The following PPP4R4 variants were observed in gnomAD, a reference collection of about 807,000 sequenced individuals.
The protein encoded by PPP4R4 is serine/threonine-protein phosphatase 4 regulatory subunit 4.
In PPP4R4, 70 loss-of-function variants were observed where a neutral mutation model predicts 121.8. The observed-to-expected ratio is 0.57, with a 90% CI of 0.47 to 0.70. The LOEUF (loss-of-function observed/expected upper bound fraction) is 0.70. Among genes scored for constraint, PPP4R4 ranks in the 30% least tolerant of loss-of-function variants. The probability of loss-of-function intolerance (pLI) is 0.00; values close to 1 mark genes in which losing one functional copy is unlikely to be tolerated. For missense variants in PPP4R4, 875 were observed against 1,033.6 expected, an observed-to-expected ratio of 0.85 and a Z score of 2.10; for synonymous variants, 348 against 355.7, an observed-to-expected ratio of 0.98 and a Z score of 0.24.
chr14:94,256,668 A>G, intron 17 of PPP4R4, 64 bp downstream of exon 17: 2 of 1,412,000 alleles, frequency 1.4e-6, no homozygotes, highest in East Asian at 4.7e-5. Context: ...TCTTAGCTTC[A>G]CTATTTCAGC....
intron 2 of PPP4R4, among the ~76,000 whole-genome samples, chr14:94,195,888 T>C (rs539064353): frequency 7.6e-4 from 115 of 152,244 alleles, no homozygotes; most frequent in African/African-American, 2.6e-3. Flanking sequence ...TAATTTTTTA[T>C]AATTTTACAA....
chr14:94,191,667 A>AG (rs1889611028), intron 2 of PPP4R4, among the ~76,000 whole-genome samples: 1 of 152,190 alleles, frequency 6.6e-6, no homozygotes, highest in Non-Finnish European at 1.5e-5. Context: ...TTGATGATAA[A>AG]GGTTTAAGCT....
At chr14:94,234,371 A>G (rs893969025) in intron 6 of PPP4R4, among the ~76,000 whole-genome samples, 191 bp from the exon 7 acceptor site, 5 of 152,344 alleles carry the variant, frequency 3.3e-5, no homozygotes, top group African/African-American at 1.2e-4. Flanking sequence ...ACTGTGTGAT[A>G]TACATAATTT....
chr14:94,233,911 A>G lies in PPP4R4; in HGVS notation c.623+152A>G, dbSNP rs574013372. Reference sequence around the variant, plus strand: ...TTTATGGAATTCTCATGACGAATTTACTTATTCAGATGCCTTTCTTTTCAA... The same window carrying G: ...TTTATGGAATTCTCATGACGAATTTGCTTATTCAGATGCCTTTCTTTTCAA... On this transcript the variant is annotated intron_variant, in intron 6 of 24. Transcript: ENST00000304338. 581 of 606,220 alleles carry G rather than the reference A, an allele frequency of 9.6e-4. 8 individuals are homozygous for G. Among genetic ancestry groups the G allele is most frequent in the South Asian group, 7.7e-3 (338 of 43,630 alleles). The allele number at this position is 606,220 out of a possible 1,614,324, so 37.6% of individuals were successfully genotyped here.
At chr14:94,238,086 G>A (rs1228632607) in intron 8 of PPP4R4, among the ~76,000 whole-genome samples, 1 of 152,342 alleles carries the variant, frequency 6.6e-6, no homozygotes, top group Middle Eastern at 3.4e-3. Context: ...AGCTGACTTT[G>A]TAACAACCTG....
At chr14:94,174,890 C>G (rs1230266053) in intron 1 of PPP4R4, among the ~76,000 whole-genome samples, 1 of 151,216 alleles carries the variant, frequency 6.6e-6, no homozygotes, top group Non-Finnish European at 1.5e-5. Context: ...GCGTCCGAAT[C>G]CCCCCGGCCC....
intron 11 of PPP4R4, among the ~76,000 whole-genome samples, chr14:94,243,722 G>A (rs1326429680): frequency 1.3e-5 from 2 of 151,814 alleles, no homozygotes; most frequent in East Asian, 3.9e-4. Context: ...ATCATACCAT[G>A]TAGGTAGGGT....
chr14:94,200,924 T>C lies in PPP4R4; in HGVS notation c.192-7540T>C, dbSNP rs72702372. 1.4e-3 allele frequency among the ~76,000 whole-genome samples: 220 copies of C among 152,214 alleles called. 1 individual carries two copies. The highest frequency in any genetic ancestry group is 6.8e-3 in the Middle Eastern group (2 of 294). ...TTCCTTGAGGTGCGACCTCAGCTAG[T>C]CTATTTGTGCTCTTTCAGACTTTTT... On this transcript the variant is annotated intron_variant, in intron 2 of 24. Coordinates refer to ENST00000304338, the MANE Select transcript of PPP4R4 (RefSeq NM_058237.2).
At chr14:94,227,449 T>C in intron 3 of PPP4R4, 1 of 1,533,574 alleles carries the variant, frequency 6.5e-7, no homozygotes, top group Non-Finnish European at 8.8e-7. Context: ...TTTTTAGCAG[T>C]GATGAAATCT....
chr14:94,266,304 T>A (rs1483154964), intron 22 of PPP4R4, among the ~76,000 whole-genome samples: 4 of 152,116 alleles, frequency 2.6e-5, no homozygotes, highest in African/African-American at 9.7e-5. Context: ...GATAAAGTGA[T>A]CACAGCAGAG....
chr14:94,240,047 A>C (rs1379866078), intron 8 of PPP4R4, among the ~76,000 whole-genome samples: 1 of 152,172 alleles, frequency 6.6e-6, no homozygotes, highest in African/African-American at 2.4e-5. Context: ...TCATTTCTGA[A>C]ATTTAAGAAA....
intron 2 of PPP4R4, among the ~76,000 whole-genome samples, chr14:94,197,819 AT>A (rs980089863): frequency 1.3e-5 from 2 of 151,874 alleles, no homozygotes; most frequent in African/African-American, 2.4e-5. Flanking sequence ...CAGTAGTATT[AT>A]TTTTTTTGTA....
Position 94,275,354 on chromosome 14 carries a change from T to A in PPP4R4, c.2450-20T>A, listed in dbSNP as rs1894576873. On this transcript the variant is annotated intron_variant, in intron 23 of 24. Transcript: ENST00000304338. ...TGTTAGTATATTTGGTATGTCTGAC[T>A]TTATATGTATTGCTTTCAGATGATT... is the stretch of plus-strand genomic sequence containing the variant. The A allele has an allele frequency of 6.2e-7, 1 of 1,613,092 alleles. No individual in the cohort carries two copies. The highest frequency in any genetic ancestry group is 8.5e-7 in the Non-Finnish European group (1 of 1,179,184).
Position 94,208,489 on chromosome 14 carries a change from A to G in PPP4R4, c.217A>G (p.Ser73Gly). The change falls in exon 3 of 25, where the codon AGT (serine) becomes GGT (glycine). Residue 73 changes from serine (S) to glycine (G), a missense_variant. Transcript: ENST00000304338. The stretch of plus-strand genomic sequence containing the variant: ...TGCTGGTCAAGATGTCCAAGGAACA[A>G]GTGTGATTGCAAATCTCCCATTTTT... Reference protein sequence around the residue: ...LSAGQDVQGTSVIANLPFLMR... With the variant: ...LSAGQDVQGTGVIANLPFLMR... 6.2e-7 allele frequency: 1 copy of G among 1,611,640 alleles called. No individual in the cohort carries two copies. Among genetic ancestry groups the G allele is most frequent in the Non-Finnish European group, 8.5e-7 (1 of 1,178,192 alleles).
At chr14:94,227,342 C>T (rs771322976) in intron 3 of PPP4R4, 1 of 1,612,446 alleles carries the variant, frequency 6.2e-7, no homozygotes. Flanking sequence ...ATATGTTTGT[C>T]CAGAGGGTGT....
At position 94,279,189 on chromosome 14, in the gene PPP4R4, T is replaced by C. The variant is rs1237356550; in HGVS notation, c.*546T>C. On this transcript the variant is annotated 3_prime_UTR_variant, in exon 25 of 25. Transcript: ENST00000304338. ...ATTTTGGCGGCCCTCCGGATTGTGG[T>C]GACAATATGTTGTACCCGGACATTC... The C allele has an allele frequency of 2.6e-5, 4 of 152,640 alleles. No individual in the cohort carries two copies. Among genetic ancestry groups the C allele is most frequent in the Non-Finnish European group, 5.9e-5 (4 of 68,046 alleles). The allele number at this position is 152,640 out of a possible 1,614,324, so 9.5% of individuals were successfully genotyped here. A position where few individuals can be genotyped will look rare whatever the true frequency, so the allele number is the denominator to read the frequency against.
chr14:94,235,463 G>A (rs537133522), intron 7 of PPP4R4, among the ~76,000 whole-genome samples: 199 of 135,430 alleles, frequency 1.5e-3, no homozygotes, highest in African/African-American at 3.6e-3. Context: ...GCAGTGGCGC[G>A]ATCTCGGCTC....
chr14:94,247,382 G>A (rs1213014124), intron 14 of PPP4R4, among the ~76,000 whole-genome samples: 3 of 152,202 alleles, frequency 2.0e-5, no homozygotes, highest in Non-Finnish European at 4.4e-5. Flanking sequence ...ACCCTGGGCT[G>A]CATGTGCCTA....
chr14:94,258,768 A>G lies in PPP4R4; in HGVS notation c.2011-15A>G, dbSNP rs756790280. 2.6e-6 allele frequency: 4 copies of G among 1,542,304 alleles called. No homozygotes were observed. In the South Asian group the frequency reaches 4.6e-5, roughly 18 times the overall value. ...TTTAATTACTTTAGAATAATTTTAAAAACTTTCCTTATAGACTGTATTAGA... is the reference window on the plus strand; with the variant it reads ...TTTAATTACTTTAGAATAATTTTAAGAACTTTCCTTATAGACTGTATTAGA... On this transcript the variant is annotated splice_polypyrimidine_tract_variant and intron_variant, in intron 17 of 24. Coordinates refer to ENST00000304338, the MANE Select transcript of PPP4R4 (RefSeq NM_058237.2).
Sources: gnomAD v4.1 joint callset for allele counts (sites outside exome capture counted in the v4.1 genomes callset) on GRCh38, gnomAD v4.1.1 for gene constraint, MANE v1.5 for transcripts, NCBI Gene and HGNC (gene_info 2026-07-23, HGNC 2026-07-21) for gene names.